The following RFX4 variants were observed in gnomAD, a reference collection of about 807,000 sequenced individuals.
RFX4 encodes regulatory factor X4.
Under a neutral mutation model 95.0 loss-of-function variants are expected in RFX4, and 10 were observed. The observed-to-expected ratio is 0.11, with a 90% CI of 0.06 to 0.18. The LOEUF is 0.18. Among genes scored for constraint, RFX4 ranks in the 10% least tolerant of loss-of-function variants. The pLI, the probability that RFX4 is intolerant of heterozygous loss-of-function variation, is 1.00. For synonymous variants in RFX4, 321 were observed against 340.7 expected (o/e 0.94, Z 0.64); for missense variants, 640 against 922.0 (o/e 0.69, Z 3.96).
chr12:106,677,756 C>T (rs1390317347), intron 4 of RFX4, among the ~76,000 whole-genome samples: 6 of 152,104 alleles, frequency 3.9e-5, no homozygotes, highest in African/African-American at 1.2e-4. Flanking sequence ...AGACTGGTGG[C>T]AGGGAAACCA....
chr12:106,696,131 T>C (rs539960406), intron 7 of RFX4, 152 bp from the exon 8 acceptor site: 2 of 836,826 alleles, frequency 2.4e-6, no homozygotes, highest in Non-Finnish European at 3.7e-6. Flanking sequence ...TCCCAGGGCC[T>C]CCTACAACAT....
At chr12:106,591,339 C>T (rs1047096606) in intron 1 of RFX4, among the ~76,000 whole-genome samples, 1 of 142,124 alleles carries the variant, frequency 7.0e-6, no homozygotes, top group Non-Finnish European at 1.5e-5. Context: ...TCAATCTCGG[C>T]TCACTGCAAC....
chr12:106,687,580 A>G (rs947836899), intron 6 of RFX4, among the ~76,000 whole-genome samples: 4 of 152,058 alleles, frequency 2.6e-5, no homozygotes, highest in Non-Finnish European at 4.4e-5. Flanking sequence ...AGAAATCAAA[A>G]TAAAGCATGG....
rs192448457 is a variant in RFX4 at position 106,644,385 on chromosome 12, C to T, written c.191+4993C>T. Among the ~76,000 whole-genome samples, 442 of 152,046 alleles carry T rather than the reference C, an allele frequency of 2.9e-3. 1 individual carries two copies. The highest frequency in any genetic ancestry group is 5.0e-3 in the Admixed American group (77 of 15,280). On this transcript the variant is annotated intron_variant, in intron 3 of 17. Transcript: ENST00000392842. ...AGAAGCTGGGATTACAGGCGCGCAC[C>T]GCCACATCCAGCTAATTTTTGTATT...
intron 1 of RFX4, among the ~76,000 whole-genome samples, chr12:106,597,491 A>T (rs2039638648): frequency 6.6e-6 from 1 of 152,238 alleles, no homozygotes; most frequent in Non-Finnish European, 1.5e-5. Flanking sequence ...TACAATGCTT[A>T]AATCATGTAG....
At chr12:106,659,712 G>A (rs963289551) in intron 4 of RFX4, among the ~76,000 whole-genome samples, 23 of 152,190 alleles carry the variant, frequency 1.5e-4, no homozygotes, top group Admixed American at 2.6e-4. Flanking sequence ...GGCAAACTGA[G>A]TCCCAGAGAA....
At chr12:106,725,706 C>T (rs1281975800) in intron 13 of RFX4, among the ~76,000 whole-genome samples, 2 of 151,418 alleles carry the variant, frequency 1.3e-5, no homozygotes, top group Non-Finnish European at 2.9e-5. Context: ...ACTTAAGAGA[C>T]AAAACGTTAA....
chr12:106,610,145 G>A (rs12320529), intron 2 of RFX4, among the ~76,000 whole-genome samples: 238 of 151,044 alleles, frequency 1.6e-3, no homozygotes, highest in African/African-American at 5.6e-3. Flanking sequence ...GGCTGAGGCA[G>A]GAGAATGGCG....
intron 8 of RFX4, among the ~76,000 whole-genome samples, chr12:106,699,816 T>C (rs1383823840): frequency 6.6e-6 from 1 of 152,144 alleles, no homozygotes; most frequent in African/African-American, 2.4e-5. Context: ...AGGGAGGTCT[T>C]TCTTTTTTAT....
At position 106,743,302 on chromosome 12, in the gene RFX4, A is replaced by T. The variant is rs552205087; in HGVS notation, c.1634-4135A>T. ...TAAGCACAAACTGTAAGCTGCGCAG[A>T]TTTTCTTTTATTAGCTTCCTTAGAA... On this transcript the variant is annotated intron_variant, in intron 15 of 17. Coordinates refer to ENST00000392842, the MANE Select transcript of RFX4 (RefSeq NM_213594.3). Among the ~76,000 whole-genome samples, 18 of 152,180 alleles carry T rather than the reference A, an allele frequency of 1.2e-4. No individual in the cohort carries two copies. In the South Asian group the frequency reaches 1.7e-3, roughly 14 times the overall value.
chr12:106,646,835 G>C (rs574847551), intron 3 of RFX4, among the ~76,000 whole-genome samples: 1 of 152,190 alleles, frequency 6.6e-6, no homozygotes, highest in Non-Finnish European at 1.5e-5. Flanking sequence ...TGACTCCCCA[G>C]GGAAATCCTC....
At position 106,609,019 on chromosome 12, in the gene RFX4, C is replaced by A. The variant is rs1218449122; in HGVS notation, c.130+136C>A. The A allele has an allele frequency of 1.0e-5, 7 of 693,520 alleles. No individual in the cohort carries two copies. The African/African-American group carries it at 1.1e-4, about 11-fold the overall frequency. 43.0% of individuals were successfully genotyped at this position (693,520 alleles called of 1,614,324 possible). ...ACTCTCTAGCTATTTATGAAATATC[C>A]CAGGTCCTCTCTGTAATATTCCACA... On this transcript the variant is annotated intron_variant, in intron 2 of 17. Transcript: ENST00000392842.
intron 2 of RFX4, 24 bp from the exon 3 acceptor site, chr12:106,639,308 G>C (rs2040572775): frequency 6.2e-7 from 1 of 1,607,746 alleles, no homozygotes; most frequent in Admixed American, 1.7e-5. Context: ...ACTGAAGTTA[G>C]CTTCTTTTTC....
chr12:106,732,047 T>C, intron 13 of RFX4, 83 bp from the exon 14 acceptor site: 1 of 1,561,312 alleles, frequency 6.4e-7, no homozygotes, highest in Non-Finnish European at 8.7e-7. Context: ...TAGAACACTG[T>C]GTAACTTGTG....
At chr12:106,742,848 C>T (rs1333959286) in intron 15 of RFX4, among the ~76,000 whole-genome samples, 1 of 152,190 alleles carries the variant, frequency 6.6e-6, no homozygotes, top group African/African-American at 2.4e-5. Flanking sequence ...GTTGTCAAGA[C>T]TGAATGGGTC....
rs2039468544 is a variant in RFX4, at chr12:106,587,000, G to C, written c.43+3637G>C. 6.6e-6 allele frequency among the ~76,000 whole-genome samples: 1 copy of C among 152,206 alleles called. No individual in the cohort carries two copies. Among genetic ancestry groups the C allele is most frequent in the South Asian group, 2.1e-4 (1 of 4,834 alleles). ...GTGTGTGCGCGCGCGCGGGCGAACG[G>C]GGCATGTGCGCCCCCATCTCTGCCA... On this transcript the variant is annotated intron_variant, in intron 1 of 17. Transcript: ENST00000392842. This position sits in a 1 kb window ranked among gnomAD's most constrained non-coding sequence, Gnocchi z 5.6.
chr12:106,586,959 C>T lies in RFX4; in HGVS notation c.43+3596C>T, dbSNP rs1024625533. On this transcript the variant is annotated intron_variant, in intron 1 of 17. Coordinates refer to ENST00000392842, the MANE Select transcript of RFX4 (RefSeq NM_213594.3). This position sits in a 1 kb window ranked among gnomAD's most constrained non-coding sequence, Gnocchi z 5.6. ...CCAGCGCCCAAACCAGACAGTCTCG[C>T]CCTCCCCGGGCGTGTGTGTGTGCGC... is the stretch of plus-strand genomic sequence containing the variant. 4.6e-5 allele frequency among the ~76,000 whole-genome samples: 7 copies of T among 152,314 alleles called. No individual in the cohort carries two copies. The highest frequency in any genetic ancestry group is 3.4e-3 in the Middle Eastern group (1 of 294).
chr12:106,656,687 TCTC>T (rs1290597113), intron 4 of RFX4, among the ~76,000 whole-genome samples: 28 of 151,858 alleles, frequency 1.8e-4, no homozygotes, highest in Admixed American at 1.8e-3. Flanking sequence ...CCATCTCCCT[TCTC>T]CTCATTCTCC....
intron 8 of RFX4, among the ~76,000 whole-genome samples, chr12:106,708,405 G>A (rs1191682276): frequency 6.6e-6 from 1 of 151,910 alleles, no homozygotes; most frequent in Non-Finnish European, 1.5e-5. Flanking sequence ...GGAGAGAGTT[G>A]GGGAATTGGA....
Sources: allele counts gnomAD v4.1 joint callset (sites outside exome capture counted in the v4.1 genomes callset), GRCh38; gene constraint gnomAD v4.1.1; non-coding constraint Gnocchi (gnomAD v3.1); transcripts MANE v1.5; gene names NCBI Gene and HGNC (gene_info 2026-07-23, HGNC 2026-07-21).